SUMF1: variants seen among roughly 807,000 people sequenced by gnomAD.
The protein encoded by SUMF1 is sulfatase modifying factor 1, also known as formylglycine-generating enzyme.
SUMF1 carries 48 observed loss-of-function variants against 47.6 expected under a neutral mutation model. The ratio of observed to expected loss-of-function variants is 1.01; its 90% CI spans 0.80 to 1.28. SUMF1 has a LOEUF of 1.28. SUMF1 is among the 50% of genes most tolerant of loss of function. The pLI is 0.00. For synonymous variants in SUMF1, 230 were observed against 192.1 expected, an observed-to-expected ratio of 1.20 and a Z score of -1.63; for missense variants, 571 against 485.4, an observed-to-expected ratio of 1.18 and a Z score of -1.66.
chr3:4,073,402 C>A (rs1692333615), intron 8 of SUMF1, among the ~76,000 whole-genome samples: 1 of 152,130 alleles, frequency 6.6e-6, no homozygotes, highest in Non-Finnish European at 1.5e-5. Flanking sequence ...TAAAGACCAT[C>A]AACTCTATGA....
chr3:4,268,741 C>T (rs1028235924), intron 8 of SUMF1, among the ~76,000 whole-genome samples: 1 of 151,724 alleles, frequency 6.6e-6, no homozygotes. Flanking sequence ...AACTTGAACC[C>T]GTATCTAATT....
At chr3:4,459,874 T>C (rs1342491454) in intron 1 of SUMF1, among the ~76,000 whole-genome samples, 1 of 152,212 alleles carries the variant, frequency 6.6e-6, no homozygotes, top group Non-Finnish European at 1.5e-5. Flanking sequence ...TTTAAGCCCC[T>C]ACTAATCCTT....
chr3:4,224,274 AG>A (rs1696128424), intron 8 of SUMF1, among the ~76,000 whole-genome samples: 1 of 152,112 alleles, frequency 6.6e-6, no homozygotes, highest in African/African-American at 2.4e-5. Context: ...GGGGAGAAAA[AG>A]GCAACAACTT....
chr3:4,303,774 G>T (rs970760798), intron 8 of SUMF1: 13 of 1,451,872 alleles, frequency 9.0e-6, no homozygotes, highest in Non-Finnish European at 1.1e-5. Context: ...GAGGCCTTGT[G>T]AGAACCTGGC....
At chr3:4,090,925 C>CA (rs1294478046) in intron 8 of SUMF1, among the ~76,000 whole-genome samples, 5 of 151,968 alleles carry the variant, frequency 3.3e-5, no homozygotes, top group Middle Eastern at 6.8e-3. Flanking sequence ...ACTAAAATTA[C>CA]AAAAAACTAT....
intron 9 of SUMF1, among the ~76,000 whole-genome samples, chr3:4,050,937 C>T (rs1036573666): frequency 2.0e-5 from 3 of 151,556 alleles, no homozygotes; most frequent in Non-Finnish European, 4.4e-5. Flanking sequence ...AATTTAATTC[C>T]TCCAAATATA....
chr3:4,160,897 T>A (rs2125113514), intron 8 of SUMF1, among the ~76,000 whole-genome samples: 1 of 152,244 alleles, frequency 6.6e-6, no homozygotes, highest in African/African-American at 2.4e-5. Flanking sequence ...TTGTTTAGTG[T>A]CTGGACATTG....
chr3:4,272,296 A>T (rs1381150897), intron 8 of SUMF1, among the ~76,000 whole-genome samples: 1 of 152,244 alleles, frequency 6.6e-6, no homozygotes, highest in Non-Finnish European at 1.5e-5. Context: ...AGGAAAACGC[A>T]GAGGCTGGGC....
chr3:4,213,780 CTT>C (rs1695853249), intron 8 of SUMF1, among the ~76,000 whole-genome samples: 1 of 152,128 alleles, frequency 6.6e-6, no homozygotes, highest in Admixed American at 6.5e-5. Flanking sequence ...ATAAAACAGA[CTT>C]TAAACCAACA....
chr3:4,264,416 G>GTA (rs1697147760), intron 8 of SUMF1, among the ~76,000 whole-genome samples: 1 of 152,126 alleles, frequency 6.6e-6, no homozygotes, highest in African/African-American at 2.4e-5. Flanking sequence ...TCACCGTCAA[G>GTA]TATCACCACA....
intron 8 of SUMF1, among the ~76,000 whole-genome samples, chr3:4,206,007 T>G (rs1348444707): frequency 6.6e-6 from 1 of 152,068 alleles, no homozygotes; most frequent in East Asian, 1.9e-4. Flanking sequence ...AGTCTTTCTC[T>G]TCAGGGCAGC....
chr3:4,353,397 CA>C (rs1470864667), intron 8 of SUMF1, among the ~76,000 whole-genome samples: 12 of 152,138 alleles, frequency 7.9e-5, no homozygotes, highest in African/African-American at 2.7e-4. Flanking sequence ...GGACTACAGG[CA>C]CCCGCCACCA....
intron 8 of SUMF1, among the ~76,000 whole-genome samples, chr3:4,276,622 T>C (rs1697422503): frequency 6.6e-6 from 1 of 152,292 alleles, no homozygotes; most frequent in Non-Finnish European, 1.5e-5. Context: ...CAATTTATTA[T>C]TGCAAGATAT....
chr3:4,352,657 A>C (rs186686773), intron 8 of SUMF1, among the ~76,000 whole-genome samples: 1 of 150,746 alleles, frequency 6.6e-6, no homozygotes, highest in Non-Finnish European at 1.5e-5. Flanking sequence ...AAGTGATTCC[A>C]ACTACAGGAT....
At chr3:4,335,746 C>G (rs1436947913) in intron 8 of SUMF1, among the ~76,000 whole-genome samples, 2 of 151,922 alleles carry the variant, frequency 1.3e-5, no homozygotes, top group Non-Finnish European at 2.9e-5. Flanking sequence ...AGTACAAGAC[C>G]AGCCTGGCCA....
At chr3:4,460,841 C>T (rs749934201) in intron 1 of SUMF1, among the ~76,000 whole-genome samples, 14 of 151,284 alleles carry the variant, frequency 9.3e-5, no homozygotes, top group Admixed American at 2.6e-4. Context: ...TTTTAGTAGA[C>T]ACGAGGTCTT....
chr3:4,341,942 T>C (rs1699281237), intron 8 of SUMF1, among the ~76,000 whole-genome samples: 1 of 152,210 alleles, frequency 6.6e-6, no homozygotes. Context: ...TCTAAGGACA[T>C]ACAAGGCAAT....
intron 8 of SUMF1, among the ~76,000 whole-genome samples, chr3:4,140,694 T>C (rs1461353255): frequency 6.6e-6 from 1 of 152,038 alleles, no homozygotes. Context: ...TTATGTAGTA[T>C]ATTTCTCCCC....
chr3:4,249,133 G>A (rs1272724367), intron 8 of SUMF1, among the ~76,000 whole-genome samples: 1 of 152,182 alleles, frequency 6.6e-6, no homozygotes, highest in Non-Finnish European at 1.5e-5. Context: ...TTCAAAATCA[G>A]TAGAGAAAAT....
Sources: allele counts gnomAD v4.1 joint callset (sites outside exome capture counted in the v4.1 genomes callset), GRCh38; gene constraint gnomAD v4.1.1; transcripts MANE v1.5; gene names NCBI Gene and HGNC (gene_info 2026-07-23, HGNC 2026-07-21).